Variants in ASCC2 observed in about 807,000 individuals in gnomAD.
ASCC2 encodes the protein ASC-1 complex subunit P100.
In ASCC2, 42 loss-of-function variants were observed where a neutral mutation model predicts 93.5. The ratio of observed to expected loss-of-function variants is 0.45; its 90% CI spans 0.35 to 0.58. ASCC2 has a LOEUF of 0.58. ASCC2 is among the 20% of genes least tolerant of loss of function. The pLI, the probability that ASCC2 is intolerant of heterozygous loss-of-function variation, is 0.00. For synonymous variants in ASCC2, 364 were observed against 384.2 expected (o/e 0.95, Z 0.62); for missense variants, 859 against 977.6 (o/e 0.88, Z 1.62).
At chr22:29,811,124 C>T (rs1189319385) in intron 8 of ASCC2, among the ~76,000 whole-genome samples, 1 of 152,168 alleles carries the variant, frequency 6.6e-6, no homozygotes, top group Non-Finnish European at 1.5e-5. Context: ...TCTACCCGGC[C>T]ATACCAAAGA....
chr22:29,801,944 C>T, intron 14 of ASCC2, 50 bp downstream of exon 14: 1 of 1,520,376 alleles, frequency 6.6e-7, no homozygotes, highest in Non-Finnish European at 8.9e-7. Flanking sequence ...AGGGGCCCCA[C>T]CCCGAGGCAG....
At chr22:29,790,933 G>A (rs979105782) in intron 18 of ASCC2, among the ~76,000 whole-genome samples, 15 of 152,156 alleles carry the variant, frequency 9.9e-5, no homozygotes, top group African/African-American at 3.1e-4. Context: ...AAGTGGTCCC[G>A]GGAGCTGCAG....
intron 5 of ASCC2, among the ~76,000 whole-genome samples, chr22:29,816,384 A>G (rs2060859214): frequency 6.6e-6 from 1 of 152,156 alleles, no homozygotes; most frequent in Non-Finnish European, 1.5e-5. Flanking sequence ...GTCCCCAGGG[A>G]GTGATCACAC....
At chr22:29,816,111 T>C (rs2060820096) in intron 5 of ASCC2, 38 bp from the exon 6 acceptor site, 2 of 1,521,028 alleles carry the variant, frequency 1.3e-6, no homozygotes, top group Admixed American at 3.8e-5. Flanking sequence ...TGAGAAAAGG[T>C]GGGGGCTCGG....
At chr22:29,791,067 C>T (rs1052662955) in intron 18 of ASCC2, among the ~76,000 whole-genome samples, 1 of 151,892 alleles carries the variant, frequency 6.6e-6, no homozygotes, top group African/African-American at 2.4e-5. Context: ...GCTTTGGTGG[C>T]CAGTAGCTTT....
At chr22:29,812,106 C>G (rs2060339031) in intron 8 of ASCC2, among the ~76,000 whole-genome samples, 1 of 152,142 alleles carries the variant, frequency 6.6e-6, no homozygotes, top group African/African-American at 2.4e-5. Context: ...CTGAGGCGAC[C>G]AGGGAGGGGT....
At chr22:29,831,304 C>T (rs560498227) in intron 2 of ASCC2, among the ~76,000 whole-genome samples, 72 of 152,306 alleles carry the variant, frequency 4.7e-4, no homozygotes, top group Non-Finnish European at 8.1e-4. Flanking sequence ...TGGCTAGGCT[C>T]CCATCCTGAC....
At chr22:29,794,538 C>T (rs1249511041) in intron 15 of ASCC2, among the ~76,000 whole-genome samples, 1 of 152,122 alleles carries the variant, frequency 6.6e-6, no homozygotes. Flanking sequence ...TACCTTTCAA[C>T]CAGGATATTC....
rs1249825102 is a variant in ASCC2, at chr22:29,832,235, A to T, written c.81+10T>A. The stretch of plus-strand genomic sequence containing the variant: ...ATATCAGGCTGAATGGCCTTAAGTG[A>T]CCGGCTCACCAGCGCTGGTGAAGTC... On this transcript the variant is annotated intron_variant, in intron 2 of 19. Coordinates refer to ENST00000307790, the MANE Select transcript of ASCC2 (RefSeq NM_032204.5). The T allele has an allele frequency of 6.2e-7, 1 of 1,608,050 alleles. No homozygotes were observed. The highest frequency in any genetic ancestry group is 1.7e-5 in the Admixed American group (1 of 59,892).
chr22:29,822,704 G>T (rs2061718940), intron 4 of ASCC2, among the ~76,000 whole-genome samples: 1 of 129,480 alleles, frequency 7.7e-6, no homozygotes, highest in Non-Finnish European at 1.6e-5. Flanking sequence ...ACAACTGGCT[G>T]TATTATCATG....
intron 5 of ASCC2, among the ~76,000 whole-genome samples, chr22:29,818,756 C>A (rs1296283744): frequency 1.3e-5 from 2 of 152,094 alleles, no homozygotes. Flanking sequence ...CCTCTGGATA[C>A]CTGCAGCCAT....
At chr22:29,817,587 C>T (rs896438783) in intron 5 of ASCC2, among the ~76,000 whole-genome samples, 1 of 152,176 alleles carries the variant, frequency 6.6e-6, no homozygotes, top group African/African-American at 2.4e-5. Flanking sequence ...TTACAACCCC[C>T]AGGGCCATAC....
At chr22:29,798,600 A>G (rs554392812) in intron 15 of ASCC2, among the ~76,000 whole-genome samples, 79 of 152,316 alleles carry the variant, frequency 5.2e-4, no homozygotes, top group Non-Finnish European at 9.3e-4. Context: ...CTACTTAAGC[A>G]CTGAGTACAG....
At chr22:29,837,859 T>A (rs1388237699) in intron 1 of ASCC2, among the ~76,000 whole-genome samples, 1 of 152,232 alleles carries the variant, frequency 6.6e-6, no homozygotes, top group Non-Finnish European at 1.5e-5. Flanking sequence ...AATGTCTAGA[T>A]CTGTGTCTGG....
chr22:29,806,724 G>A, intron 10 of ASCC2, 73 bp downstream of exon 10: 1 of 1,480,380 alleles, frequency 6.8e-7, no homozygotes, highest in Non-Finnish European at 9.4e-7. Flanking sequence ...AAGCCAAGAT[G>A]AAATAATGGA....
intron 2 of ASCC2, among the ~76,000 whole-genome samples, chr22:29,828,134 G>A (rs146988100): frequency 2.6e-5 from 4 of 152,334 alleles, no homozygotes; most frequent in East Asian, 1.9e-4. Context: ...GATAAGGGAC[G>A]GCTTCCCAGA....
intron 5 of ASCC2, chr22:29,822,077 T>C (rs73161072): frequency 1.4e-5 from 6 of 429,032 alleles, no homozygotes; most frequent in Non-Finnish European, 2.6e-5. Flanking sequence ...GTGATTCTCC[T>C]GAAAAAAAAC....
intron 15 of ASCC2, among the ~76,000 whole-genome samples, chr22:29,797,683 C>T (rs987603322): frequency 6.6e-6 from 1 of 152,218 alleles, no homozygotes; most frequent in Non-Finnish European, 1.5e-5. Context: ...GTTTCTTTTA[C>T]TACAGGACTT....
Position 29,793,380 on chromosome 22 carries a change from A to G in ASCC2, c.1899T>C (p.Asp633=). The change falls in exon 17 of 20, where the codon GAT becomes GAC. Residue 633 remains aspartate (D), a synonymous_variant. Coordinates refer to ENST00000307790, the MANE Select transcript of ASCC2 (RefSeq NM_032204.5). ...NQVGANDADS[D]DELISRRPFT... ...CTCACCTGCGGCTGATGAGCTCGTC[A>G]TCAGAGTCTGCATCATTGGCGCCCA... The G allele has an allele frequency of 1.9e-6, 3 of 1,613,906 alleles. No homozygotes were observed. The South Asian group carries it at 3.3e-5, about 18-fold the overall frequency.
Sources: allele counts gnomAD v4.1 joint callset (sites outside exome capture counted in the v4.1 genomes callset), GRCh38; gene constraint gnomAD v4.1.1; transcripts MANE v1.5; gene names NCBI Gene and HGNC (gene_info 2026-07-23, HGNC 2026-07-21).